The following KIAA1958 variants were observed in gnomAD, a reference collection of about 807,000 sequenced individuals.
KIAA1958 encodes the protein KIAA1958.
In KIAA1958, 14 loss-of-function variants were observed where a neutral mutation model predicts 47.2. That is an observed-to-expected ratio of 0.30 (90% CI 0.20 to 0.46). The LOEUF (loss-of-function observed/expected upper bound fraction) is 0.46. Ranked by LOEUF, KIAA1958 falls within the 20% of genes least tolerant of loss-of-function variation. KIAA1958 has a pLI of 1.00. For missense variants in KIAA1958, 803 were observed against 909.2 expected (o/e 0.88, Z 1.50); for synonymous variants, 354 against 353.3 (o/e 1.00, Z -0.02).
Position 112,659,499 on chromosome 9 carries a change from T to C in KIAA1958, c.1581T>C (p.Ser527=), listed in dbSNP as rs1313478420. 2 of 1,613,474 alleles carry C rather than the reference T, an allele frequency of 1.2e-6. No individual in the cohort carries two copies. Among genetic ancestry groups the C allele is most frequent in the Non-Finnish European group, 1.7e-6 (2 of 1,179,780 alleles). Residue 527 remains serine (S), a synonymous_variant, in exon 4 of 4, where the codon TCT becomes TCC. Transcript: ENST00000337530. ...AGGCAGGCATGTCGGGCGCGCGTTCTCGCAACATCGTCTACTTCTCCCTTT... is the reference window on the plus strand; with the variant it reads ...AGGCAGGCATGTCGGGCGCGCGTTCCCGCAACATCGTCTACTTCTCCCTTT... The part of the protein sequence containing the change: ...LSKAGMSGAR[S]RNIVYFSLSD...
chr9:112,634,803 A>G (rs1431160460), intron 2 of KIAA1958, among the ~76,000 whole-genome samples: 1 of 152,158 alleles, frequency 6.6e-6, no homozygotes, highest in Admixed American at 6.5e-5. Context: ...CTTTTGGGGT[A>G]GTGATTTTGA....
intron 2 of KIAA1958, among the ~76,000 whole-genome samples, chr9:112,590,000 G>A (rs528091084): frequency 1.0e-3 from 157 of 152,220 alleles, no homozygotes; most frequent in South Asian, 2.1e-3. Flanking sequence ...CCCTGAGCCC[G>A]GAGCCTTTCC....
intron 2 of KIAA1958, among the ~76,000 whole-genome samples, chr9:112,634,974 T>C (rs1480991043): frequency 6.6e-6 from 1 of 152,194 alleles, no homozygotes; most frequent in African/African-American, 2.4e-5. Flanking sequence ...TTGTTTATGA[T>C]GTGAGGTAGG....
intron 1 of KIAA1958, among the ~76,000 whole-genome samples, chr9:112,535,809 T>G (rs1021398213): frequency 3.9e-5 from 6 of 152,198 alleles, no homozygotes; most frequent in Non-Finnish European, 8.8e-5. Flanking sequence ...CTAGTGGTTT[T>G]AATTTGCACT....
chr9:112,560,619 G>A (rs776576071), intron 1 of KIAA1958, among the ~76,000 whole-genome samples: 34 of 152,164 alleles, frequency 2.2e-4, no homozygotes, highest in Non-Finnish European at 4.4e-4. Context: ...TAACTAGTTT[G>A]CGTCACATAA....
chr9:112,552,842 C>T (rs904378240), intron 1 of KIAA1958, among the ~76,000 whole-genome samples: 12 of 152,092 alleles, frequency 7.9e-5, no homozygotes, highest in Non-Finnish European at 1.6e-4. Context: ...CAATTCAAGT[C>T]GGCATGGAGC....
At chr9:112,655,844 C>T (rs962955934) in intron 3 of KIAA1958, among the ~76,000 whole-genome samples, 3 of 152,174 alleles carry the variant, frequency 2.0e-5, no homozygotes, top group Non-Finnish European at 4.4e-5. Flanking sequence ...TTGAGGTAAT[C>T]TCTGGAATTT....
chr9:112,566,130 C>T (rs1260958409), intron 1 of KIAA1958, among the ~76,000 whole-genome samples: 1 of 152,000 alleles, frequency 6.6e-6, no homozygotes, highest in Non-Finnish European at 1.5e-5. Context: ...GTCTTGATCT[C>T]CTGACCTCGT....
Position 112,662,177 on chromosome 9 carries a change from C to G in KIAA1958, c.*2108C>G, listed in dbSNP as rs1181883061. ...CTGCCTCAAATGTGTTGCCTGTCAC[C>G]TAGTTGATGTTCCATAAAATCCCTG... is the stretch of plus-strand genomic sequence containing the variant. On this transcript the variant is annotated 3_prime_UTR_variant, in exon 4 of 4. Coordinates refer to ENST00000337530, the MANE Select transcript of KIAA1958 (RefSeq NM_133465.4). 6.6e-6 allele frequency: 1 copy of G among 152,150 alleles called. No individual in the cohort carries two copies. Among genetic ancestry groups the G allele is most frequent in the African/African-American group, 2.4e-5 (1 of 41,424 alleles). 9.4% of individuals were successfully genotyped at this position (152,150 alleles called of 1,614,324 possible).
intron 1 of KIAA1958, among the ~76,000 whole-genome samples, chr9:112,515,556 C>T (rs1355766082): frequency 1.0e-5 from 1 of 95,354 alleles, no homozygotes; most frequent in Non-Finnish European, 2.1e-5. Context: ...ATTCCTCTGC[C>T]TTGGGATCCT....
rs762198528 is a variant in KIAA1958 at position 112,659,388 on chromosome 9, G to C, written c.1470G>C (p.Lys490Asn). Residue 490 changes from lysine to asparagine, a missense_variant, in exon 4 of 4, where the codon AAG becomes AAC. Lys to Asn is a moderately conservative substitution (Grantham distance 94, BLOSUM62 0). Coordinates refer to ENST00000337530, the MANE Select transcript of KIAA1958 (RefSeq NM_133465.4). ...AIRRGLDRIL[K>N]NAGVGFSITS... ...GCCGAGGCCTGGACCGCATCCTGAA[G>C]AATGCAGGTGTCGGCTTTTCCATCA... The C allele has an allele frequency of 2.5e-6, 4 of 1,614,106 alleles. No homozygotes were observed. The highest frequency in any genetic ancestry group is 3.4e-6 in the Non-Finnish European group (4 of 1,180,046).
At chr9:112,653,842 G>T (rs1837102981) in intron 3 of KIAA1958, among the ~76,000 whole-genome samples, 1 of 152,154 alleles carries the variant, frequency 6.6e-6, no homozygotes, top group African/African-American at 2.4e-5. Context: ...GGATGCTGCA[G>T]TGAGCCATGA....
chr9:112,564,371 C>T (rs1428577603), intron 1 of KIAA1958, among the ~76,000 whole-genome samples: 3 of 152,058 alleles, frequency 2.0e-5, no homozygotes, highest in Non-Finnish European at 4.4e-5. Context: ...CAGTAGAGAT[C>T]TAGTGGCATT....
chr9:112,535,701 A>G (rs1324407180), intron 1 of KIAA1958, among the ~76,000 whole-genome samples: 1 of 152,086 alleles, frequency 6.6e-6, no homozygotes, highest in Admixed American at 6.5e-5. Context: ...ACAGTGTACA[A>G]GGGTTCTCTT....
At chr9:112,534,217 G>C (rs1023099073) in intron 1 of KIAA1958, among the ~76,000 whole-genome samples, 16 of 152,176 alleles carry the variant, frequency 1.1e-4, no homozygotes, top group Non-Finnish European at 1.5e-4. Context: ...CAAGATTACT[G>C]TTCAGAAAGC....
At chr9:112,551,064 G>A (rs1835135446) in intron 1 of KIAA1958, among the ~76,000 whole-genome samples, 1 of 150,186 alleles carries the variant, frequency 6.7e-6, no homozygotes. Flanking sequence ...AGTTAGGGAG[G>A]TTATAGTTTT....
intron 1 of KIAA1958, among the ~76,000 whole-genome samples, chr9:112,533,627 A>G (rs980381110): frequency 2.0e-5 from 3 of 149,316 alleles, no homozygotes; most frequent in African/African-American, 7.4e-5. Flanking sequence ...TAATTGACTC[A>G]CAGTTTCCCA....
intron 2 of KIAA1958, among the ~76,000 whole-genome samples, chr9:112,584,253 TAA>T (rs1175138548): frequency 6.6e-6 from 1 of 152,188 alleles, no homozygotes; most frequent in African/African-American, 2.4e-5. Context: ...ATCTGTAAGA[TAA>T]AGATGCTAAT....
At chr9:112,537,085 C>T (rs916918176) in intron 1 of KIAA1958, among the ~76,000 whole-genome samples, 5 of 151,674 alleles carry the variant, frequency 3.3e-5, no homozygotes, top group Admixed American at 6.6e-5. Context: ...CTCCCCTCCC[C>T]TCTTCTCCTC....
Sources: gnomAD v4.1 joint callset for allele counts (sites outside exome capture counted in the v4.1 genomes callset) on GRCh38, gnomAD v4.1.1 for gene constraint, MANE v1.5 for transcripts, NCBI Gene and HGNC (gene_info 2026-07-23, HGNC 2026-07-21) for gene names.